Variants in DBF4B observed in about 807,000 individuals in gnomAD.
The protein encoded by DBF4B is protein DBF4 homolog B.
In DBF4B, 49 loss-of-function variants were observed where a neutral mutation model predicts 53.4. The observed-to-expected ratio is 0.92, with a 90% CI of 0.73 to 1.16. The LOEUF (loss-of-function observed/expected upper bound fraction) is 1.16. Among genes scored for constraint, DBF4B ranks in the 50% most tolerant of loss-of-function variants. The probability of loss-of-function intolerance (pLI) is 0.00; values close to 1 mark genes in which losing one functional copy is unlikely to be tolerated. For synonymous variants in DBF4B, 257 were observed against 288.7 expected, an observed-to-expected ratio of 0.89 and a Z score of 1.11; for missense variants, 692 against 775.0, an observed-to-expected ratio of 0.89 and a Z score of 1.27.
chr17:44,736,567 C>G (rs1489895322), intron 7 of DBF4B, among the ~76,000 whole-genome samples: 1 of 152,186 alleles, frequency 6.6e-6, no homozygotes, highest in African/African-American at 2.4e-5. Context: ...AGTTCTTGCT[C>G]TCTGTACTGT....
intron 10 of DBF4B, among the ~76,000 whole-genome samples, chr17:44,741,722 C>A (rs1323725202): frequency 1.3e-5 from 2 of 152,160 alleles, no homozygotes; most frequent in Non-Finnish European, 2.9e-5. Flanking sequence ...CGAAGAAGAC[C>A]TATTTGTTAA....
chr17:44,731,042 C>A, intron 5 of DBF4B, 27 bp downstream of exon 5: 1 of 1,613,704 alleles, frequency 6.2e-7, no homozygotes, highest in Middle Eastern at 1.6e-4. Flanking sequence ...TGGGACAGAG[C>A]CGGTGGTCTC....
chr17:44,746,747 A>C (rs1185756184), intron 10 of DBF4B, among the ~76,000 whole-genome samples: 6 of 151,026 alleles, frequency 4.0e-5, no homozygotes, highest in Non-Finnish European at 7.4e-5. Context: ...TGAGCCCAGG[A>C]GGTGAAGATT....
intron 3 of DBF4B, among the ~76,000 whole-genome samples, chr17:44,725,870 G>A (rs144553574): frequency 1.4e-3 from 215 of 151,142 alleles, no homozygotes; most frequent in African/African-American, 4.9e-3. Context: ...TATTTTTTGT[G>A]GAGGCAGAGT....
intron 2 of DBF4B, among the ~76,000 whole-genome samples, chr17:44,714,682 T>C (rs1428837644): frequency 4.6e-5 from 7 of 152,120 alleles, no homozygotes; most frequent in African/African-American, 1.7e-4. Flanking sequence ...ATATATTTGC[T>C]ATTTCTATTG....
At chr17:44,729,661 T>C (rs902900130) in intron 3 of DBF4B, among the ~76,000 whole-genome samples, 8 of 148,926 alleles carry the variant, frequency 5.4e-5, no homozygotes, top group Non-Finnish European at 1.0e-4. Context: ...AGCAGTCCTG[T>C]AGACAAAACC....
intron 6 of DBF4B, 179 bp downstream of exon 6, chr17:44,732,444 G>A (rs1168520653): frequency 7.4e-6 from 5 of 679,852 alleles, no homozygotes; most frequent in African/African-American, 3.6e-5. Context: ...CGGTGAGGAC[G>A]CAGAGTGCAG....
intron 1 of DBF4B, 29 bp downstream of exon 1, chr17:44,708,868 A>C (rs905832040): frequency 7.1e-6 from 11 of 1,550,350 alleles, no homozygotes; most frequent in Non-Finnish European, 9.6e-6. Context: ...GGAGAAAGAA[A>C]GGCGGAAGGG....
chr17:44,746,954 G>A, intron 10 of DBF4B, 129 bp from the exon 11 acceptor site: 2 of 768,812 alleles, frequency 2.6e-6, no homozygotes, highest in Admixed American at 4.2e-5. Flanking sequence ...CTGCCTGCCG[G>A]TGCCTGCACA....
At chr17:44,744,215 C>A (rs1194460390) in intron 10 of DBF4B, among the ~76,000 whole-genome samples, 2 of 151,554 alleles carry the variant, frequency 1.3e-5, no homozygotes, top group Non-Finnish European at 2.9e-5. Context: ...AGTTTGAGAC[C>A]AGCCTGAGCA....
chr17:44,711,188 G>C (rs1356173118), intron 2 of DBF4B, among the ~76,000 whole-genome samples: 1 of 151,900 alleles, frequency 6.6e-6, no homozygotes, highest in Admixed American at 6.6e-5. Flanking sequence ...GTTCCACCAT[G>C]TTGGTCAGGC....
chr17:44,735,577 G>A (rs1178739091), intron 7 of DBF4B, among the ~76,000 whole-genome samples: 2 of 152,168 alleles, frequency 1.3e-5, no homozygotes, highest in Non-Finnish European at 2.9e-5. Flanking sequence ...GGGTGAGGCA[G>A]GAGAATCGCT....
chr17:44,733,880 G>T (rs754261132), intron 6 of DBF4B: 5 of 572,352 alleles, frequency 8.7e-6, no homozygotes, highest in African/African-American at 3.8e-5. Flanking sequence ...CATGACACCC[G>T]CTCAGGTGCT....
chr17:44,750,472 AC>A, intron 13 of DBF4B, 122 bp from the exon 14 acceptor site: 1 of 1,468,140 alleles, frequency 6.8e-7, no homozygotes, highest in Non-Finnish European at 9.0e-7. Flanking sequence ...AGGTCATGTT[AC>A]CCCCTTCCTG....
rs753351558 is a variant in DBF4B at position 44,749,870 on chromosome 17, G to C, written c.1190-725G>C. On this transcript the variant is annotated intron_variant, in intron 13 of 13. Coordinates refer to ENST00000315005, the MANE Select transcript of DBF4B (RefSeq NM_145663.3). The surrounding 1 kb of genome is among the most constrained non-coding windows in gnomAD (Gnocchi z 4.4). ...GCCGCTCCTGCTTTCCAAAATGACT[G>C]TGTTTGTCCCCTCCCCCAGCCCCCC... 8.0e-5 allele frequency: 83 copies of C among 1,034,678 alleles called. No homozygotes were observed. Among genetic ancestry groups the C allele is most frequent in the Non-Finnish European group, 9.2e-5 (79 of 859,692 alleles). 64.1% of individuals were successfully genotyped at this position (1,034,678 alleles called of 1,614,324 possible).
intron 13 of DBF4B, chr17:44,748,698 C>T: frequency 4.9e-6 from 7 of 1,420,952 alleles, no homozygotes; most frequent in Non-Finnish European, 6.5e-6. Flanking sequence ...TTTTTGGCCA[C>T]AAGCGGAAGG....
At chr17:44,722,787 T>G in intron 2 of DBF4B, 93 bp from the exon 3 acceptor site, 4 of 1,393,472 alleles carry the variant, frequency 2.9e-6, no homozygotes, top group Non-Finnish European at 9.9e-7. Context: ...TCTGTGCTAT[T>G]ATAGCACACA....
At chr17:44,733,484 G>C (rs1975043780) in intron 6 of DBF4B, among the ~76,000 whole-genome samples, 1 of 152,198 alleles carries the variant, frequency 6.6e-6, no homozygotes, top group African/African-American at 2.4e-5. Context: ...CTTGAGTCTG[G>C]AGTTTTCTGT....
chr17:44,748,658 T>C (rs1316839590), intron 13 of DBF4B, 193 bp downstream of exon 13: 1 of 1,479,502 alleles, frequency 6.8e-7, no homozygotes. Context: ...TCTGGTTTTA[T>C]GGAACTCTCC....
Sources: gnomAD v4.1 joint callset for allele counts (sites outside exome capture counted in the v4.1 genomes callset) on GRCh38, gnomAD v4.1.1 for gene constraint, Gnocchi (gnomAD v3.1) non-coding constraint, MANE v1.5 for transcripts, NCBI Gene and HGNC (gene_info 2026-07-23, HGNC 2026-07-21) for gene names.